RASAL2: variants seen among roughly 807,000 people sequenced by gnomAD.
RASAL2 encodes the protein RAS protein activator like 2.
A neutral mutation model predicts 128.9 loss-of-function variants in RASAL2; 58 were observed. The observed-to-expected ratio is 0.45, with a 90% CI of 0.36 to 0.56. RASAL2 has a LOEUF of 0.56. RASAL2 is among the 20% of genes least tolerant of loss of function. The pLI is 0.00. For missense variants in RASAL2, 1,360 were observed against 1,601.6 expected, an observed-to-expected ratio of 0.85 and a Z score of 2.57; for synonymous variants, 561 against 580.8, an observed-to-expected ratio of 0.97 and a Z score of 0.49.
intron 3 of RASAL2, among the ~76,000 whole-genome samples, chr1:178,338,829 C>T (rs761828155): frequency 3.7e-4 from 56 of 152,126 alleles, no homozygotes; most frequent in Admixed American, 2.0e-3. Flanking sequence ...CAGTTTTCTC[C>T]GGTTGCTGAA....
chr1:178,384,123 T>C (rs1672426013), intron 3 of RASAL2, among the ~76,000 whole-genome samples: 1 of 152,218 alleles, frequency 6.6e-6, no homozygotes, highest in Non-Finnish European at 1.5e-5. Context: ...AAAGAGTATT[T>C]ACATTTATTC....
chr1:178,194,178 A>T (rs1662584312), intron 1 of RASAL2, among the ~76,000 whole-genome samples: 1 of 152,240 alleles, frequency 6.6e-6, no homozygotes, highest in Non-Finnish European at 1.5e-5. Context: ...CTCCTGAGCA[A>T]CATCTCATTA....
chr1:178,458,167 A>C lies in RASAL2; in HGVS notation c.2875A>C (p.Ser959Arg). 1 of 1,614,248 alleles carries C rather than the reference A, an allele frequency of 6.2e-7. No homozygotes were observed. The highest frequency in any genetic ancestry group is 8.5e-7 in the Non-Finnish European group (1 of 1,180,044). Reference sequence around the variant, plus strand: ...TGCCAGTTCCAGAAGCCAAAGTAACAGTGAAGACTTCAAGCTCAGTGGACC... The same window carrying C: ...TGCCAGTTCCAGAAGCCAAAGTAACCGTGAAGACTTCAAGCTCAGTGGACC... ...STASSRSQSNSEDFKLSGPSN... is the reference protein window; with the variant it reads ...STASSRSQSNREDFKLSGPSN... The change falls in exon 14 of 18, where the codon AGT (serine) becomes CGT (arginine). Residue 959 changes from serine (S) to arginine (R), a missense_variant. Around this residue, in one of 3 missense-constraint regions of RASAL2, gnomAD observed 741 missense variants for 868.6 expected, o/e 0.85. Transcript: ENST00000367649.
chr1:178,224,919 G>C (rs892268984), intron 1 of RASAL2, among the ~76,000 whole-genome samples: 12 of 151,986 alleles, frequency 7.9e-5, no homozygotes. Flanking sequence ...ACTAATCCTA[G>C]AATATCTAAG....
At chr1:178,299,340 A>G (rs1051261853) in intron 2 of RASAL2, among the ~76,000 whole-genome samples, 2 of 152,176 alleles carry the variant, frequency 1.3e-5, no homozygotes, top group Non-Finnish European at 1.5e-5. Context: ...ACATTGGACA[A>G]AATTGGAGCT....
chr1:178,445,096 A>AGT (rs1676908074), intron 8 of RASAL2, among the ~76,000 whole-genome samples: 3 of 149,410 alleles, frequency 2.0e-5, no homozygotes, highest in Admixed American at 1.3e-4. Context: ...TGACAGTGGG[A>AGT]GTGGAAGCAA....
intron 3 of RASAL2, among the ~76,000 whole-genome samples, chr1:178,381,434 G>T (rs1672278803): frequency 6.6e-6 from 1 of 152,118 alleles, no homozygotes. Context: ...CTAAAGGGGG[G>T]CAAATCAACA....
chr1:178,205,430 G>A (rs1355924084), intron 1 of RASAL2, among the ~76,000 whole-genome samples: 1 of 152,080 alleles, frequency 6.6e-6, no homozygotes, highest in African/African-American at 2.4e-5. Context: ...CAGAGTCATG[G>A]GTCACCAACC....
At position 178,458,123 on chromosome 1, in the gene RASAL2, G is replaced by T. The variant is rs771216571; in HGVS notation, c.2831G>T (p.Ser944Ile). The change falls in exon 14 of 18, where the codon AGT becomes ATT. Residue 944 changes from serine (S) to isoleucine (I), a missense_variant. Transcript: ENST00000367649. ...PAMPKASIDSSLENLSTASSR... is the reference protein window; with the variant it reads ...PAMPKASIDSILENLSTASSR... ...ATGCCAAAGGCCTCTATAGATTCCA[G>T]TTTGGAGAACCTAAGCACTGCCAGT... is the stretch of plus-strand genomic sequence containing the variant. 6 of 1,614,206 alleles carry T rather than the reference G, an allele frequency of 3.7e-6. No individual in the cohort carries two copies. The South Asian group carries it at 6.6e-5, about 18-fold the overall frequency.
intron 3 of RASAL2, among the ~76,000 whole-genome samples, chr1:178,330,421 T>C (rs1266855747): frequency 1.3e-5 from 2 of 152,186 alleles, no homozygotes; most frequent in Admixed American, 1.3e-4. Flanking sequence ...CCAAGGTGTC[T>C]ATGATTACAA....
chr1:178,295,380 C>G (rs189991803), intron 2 of RASAL2, among the ~76,000 whole-genome samples: 4 of 152,076 alleles, frequency 2.6e-5, no homozygotes, highest in Non-Finnish European at 4.4e-5. Context: ...CCCTCACCCC[C>G]CAGCAGGCCC....
chr1:178,127,858 G>A (rs1230702262), intron 1 of RASAL2, among the ~76,000 whole-genome samples: 3 of 151,968 alleles, frequency 2.0e-5, no homozygotes, highest in African/African-American at 7.2e-5. Context: ...AAGAATAGAA[G>A]TTTACTGTAA....
chr1:178,229,632 A>G (rs1034297050), intron 1 of RASAL2, among the ~76,000 whole-genome samples: 3 of 152,128 alleles, frequency 2.0e-5, no homozygotes, highest in Admixed American at 6.5e-5. Flanking sequence ...AGTTTGTTCC[A>G]GTATTGCCAT....
intron 1 of RASAL2, among the ~76,000 whole-genome samples, chr1:178,162,475 T>TA (rs1661356156): frequency 8.0e-6 from 1 of 124,470 alleles, no homozygotes; most frequent in Admixed American, 1.0e-4. Context: ...TTTATATATT[T>TA]ATATTTTATA....
intron 3 of RASAL2, among the ~76,000 whole-genome samples, chr1:178,365,195 T>A (rs1313332586): frequency 6.6e-6 from 1 of 152,212 alleles, no homozygotes; most frequent in Non-Finnish European, 1.5e-5. Flanking sequence ...GCTTTGCATG[T>A]CTAAGTATTG....
chr1:178,426,224 T>C (rs570484815), intron 5 of RASAL2, among the ~76,000 whole-genome samples: 12 of 152,282 alleles, frequency 7.9e-5, no homozygotes, highest in African/African-American at 2.9e-4. Flanking sequence ...TTATTCATAA[T>C]AGGCAAAAAG....
intron 1 of RASAL2, among the ~76,000 whole-genome samples, chr1:178,271,858 T>C (rs981232448): frequency 1.3e-5 from 2 of 152,188 alleles, no homozygotes; most frequent in African/African-American, 4.8e-5. Flanking sequence ...ACTACTTCCT[T>C]GCTTTCCAAA....
intron 4 of RASAL2, among the ~76,000 whole-genome samples, chr1:178,390,828 T>C (rs1334816587): frequency 1.3e-5 from 2 of 151,916 alleles, no homozygotes; most frequent in East Asian, 3.8e-4. Context: ...ATCAAGTTGC[T>C]AGCAAAAACC....
At chr1:178,372,846 T>C (rs1014844472) in intron 3 of RASAL2, among the ~76,000 whole-genome samples, 1 of 152,176 alleles carries the variant, frequency 6.6e-6, no homozygotes, top group Non-Finnish European at 1.5e-5. Flanking sequence ...CATTTTTGAA[T>C]GCTTTCTAAT....
Sources: allele counts gnomAD v4.1 joint callset (sites outside exome capture counted in the v4.1 genomes callset), GRCh38; gene constraint gnomAD v4.1.1; regional missense constraint gnomAD v4.1.1; transcripts MANE v1.5; gene names NCBI Gene and HGNC (gene_info 2026-07-23, HGNC 2026-07-21).